The following FNDC3B variants were observed in gnomAD, a reference collection of about 807,000 sequenced individuals.
FNDC3B encodes the protein fibronectin type III domain containing 3B, also known as fibronectin type III domain-containing protein 3B.
Under a neutral mutation model 151.5 loss-of-function variants are expected in FNDC3B, and 12 were observed. That is an observed-to-expected ratio of 0.08 (90% CI 0.05 to 0.13). The LOEUF (loss-of-function observed/expected upper bound fraction) is 0.13. Ranked by LOEUF, FNDC3B falls within the 10% of genes least tolerant of loss-of-function variation. The pLI is 1.00. For missense variants in FNDC3B, 1,214 were observed against 1,505.3 expected (o/e 0.81, Z 3.20); for synonymous variants, 528 against 549.0 (o/e 0.96, Z 0.54).
At chr3:172,262,531 CTT>C (rs1163994826) in intron 6 of FNDC3B, among the ~76,000 whole-genome samples, 1 of 151,904 alleles carries the variant, frequency 6.6e-6, no homozygotes, top group Non-Finnish European at 1.5e-5. Context: ...TTGAATATGA[CTT>C]GAAGTTGTTA....
chr3:172,073,631 G>C (rs1717881549), intron 1 of FNDC3B, among the ~76,000 whole-genome samples: 1 of 152,188 alleles, frequency 6.6e-6, no homozygotes, highest in Non-Finnish European at 1.5e-5. Flanking sequence ...CCCGTTTGCT[G>C]TATCTGCCTC....
In FNDC3B at chr3:172,178,724, G is replaced by A. The variant is rs1475992063; in HGVS notation, c.187+45178G>A. 3.0e-4 allele frequency among the ~76,000 whole-genome samples: 45 copies of A among 152,158 alleles called. 1 individual carries two copies. Among genetic ancestry groups the A allele is most frequent in the Non-Finnish European group, 8.8e-5 (6 of 68,034 alleles). ...GAGACCAAATATATGTGGAGGGAGTGATGGTAAAGGTGATAAAAGTGCAAG... is the reference window on the plus strand; with the variant it reads ...GAGACCAAATATATGTGGAGGGAGTAATGGTAAAGGTGATAAAAGTGCAAG... On this transcript the variant is annotated intron_variant, in intron 3 of 25. Transcript: ENST00000415807.
intron 23 of FNDC3B, among the ~76,000 whole-genome samples, chr3:172,364,922 A>G (rs1157890769): frequency 6.6e-6 from 1 of 152,206 alleles, no homozygotes; most frequent in East Asian, 1.9e-4. Flanking sequence ...GTGCTCTCAG[A>G]AAGTTATTAA....
chr3:172,343,967 G>A (rs750443732), intron 18 of FNDC3B, 119 bp from the exon 19 acceptor site: 1 of 805,006 alleles, frequency 1.2e-6, no homozygotes, highest in Non-Finnish European at 2.0e-6. Context: ...TCTTTTGTAA[G>A]GGAGATACTG....
rs144510638 is a variant in FNDC3B, at chr3:172,353,943, G to A, written c.2795+860G>A. ...TGGAAATTGAATAGCTTTAGAAAAG[G>A]CAAATGTTTGATCTTGGGGAAAAAA... On this transcript the variant is annotated intron_variant, in intron 22 of 25. Transcript: ENST00000415807. 4.2e-3 allele frequency among the ~76,000 whole-genome samples: 525 copies of A among 123,876 alleles called. 8 individuals are homozygous for A. Among genetic ancestry groups the A allele is most frequent in the African/African-American group, 0.015 (503 of 32,506 alleles). The allele number at this position is 123,876 out of a possible 152,430, so 81.3% of individuals were successfully genotyped here.
chr3:172,346,513 GA>G (rs1733621973), intron 20 of FNDC3B, 73 bp downstream of exon 20: 1 of 903,618 alleles, frequency 1.1e-6, no homozygotes, highest in Non-Finnish European at 1.7e-6. Context: ...CAATTATAAG[GA>G]AGCTGCAAAT....
At chr3:172,093,322 T>G (rs576024603) in intron 1 of FNDC3B, among the ~76,000 whole-genome samples, 2 of 150,496 alleles carry the variant, frequency 1.3e-5, no homozygotes, top group Non-Finnish European at 3.0e-5. Flanking sequence ...GCAGTGGCAC[T>G]ATCTTGGCTC....
At chr3:172,356,826 C>T (rs2108332077) in intron 22 of FNDC3B, among the ~76,000 whole-genome samples, 1 of 152,172 alleles carries the variant, frequency 6.6e-6, no homozygotes, top group African/African-American at 2.4e-5. Flanking sequence ...GTTGTAAAAG[C>T]CAGCCCATCT....
intron 2 of FNDC3B, among the ~76,000 whole-genome samples, chr3:172,122,212 G>C (rs1160125981): frequency 6.6e-6 from 1 of 152,138 alleles, no homozygotes; most frequent in African/African-American, 2.4e-5. Context: ...AAACATGACA[G>C]TAGTAAGCAA....
intron 2 of FNDC3B, among the ~76,000 whole-genome samples, chr3:172,128,359 A>T (rs1324326929): frequency 6.6e-6 from 1 of 152,212 alleles, no homozygotes; most frequent in Non-Finnish European, 1.5e-5. Flanking sequence ...AAAGATAAAT[A>T]TTTGGCATTC....
At chr3:172,237,879 C>CT (rs1184831144) in intron 4 of FNDC3B, among the ~76,000 whole-genome samples, 1 of 152,132 alleles carries the variant, frequency 6.6e-6, no homozygotes, top group South Asian at 2.1e-4. Flanking sequence ...GCAGGATAAT[C>CT]TTTTTTTGTT....
chr3:172,052,246 G>GTTT (rs10665367), intron 1 of FNDC3B, among the ~76,000 whole-genome samples: 88 of 147,458 alleles, frequency 6.0e-4, no homozygotes, highest in Admixed American at 1.1e-3. Context: ...ATTTTTGTGG[G>GTTT]TTTTTTTTTT....
intron 3 of FNDC3B, among the ~76,000 whole-genome samples, chr3:172,156,919 A>G (rs1180528783): frequency 1.3e-5 from 2 of 152,286 alleles, no homozygotes; most frequent in Non-Finnish European, 2.9e-5. Context: ...TCCGGTCTGC[A>G]TGGTGACATG....
chr3:172,392,216 G>A (rs1322929205), intron 25 of FNDC3B, among the ~76,000 whole-genome samples: 1 of 152,226 alleles, frequency 6.6e-6, no homozygotes, highest in Non-Finnish European at 1.5e-5. Flanking sequence ...TTTGCTTACA[G>A]CTCTTCTTAG....
chr3:172,089,870 G>A (rs1425736476), intron 1 of FNDC3B, among the ~76,000 whole-genome samples: 1 of 152,066 alleles, frequency 6.6e-6, no homozygotes, highest in African/African-American at 2.4e-5. Context: ...AACAACTGAG[G>A]GAATGAATTC....
intron 22 of FNDC3B, among the ~76,000 whole-genome samples, chr3:172,360,400 T>A (rs1297506535): frequency 6.6e-6 from 1 of 152,194 alleles, no homozygotes; most frequent in Non-Finnish European, 1.5e-5. Flanking sequence ...AGTCTCTAGT[T>A]ATTTTCATTC....
At chr3:172,154,944 G>A (rs1407785794) in intron 3 of FNDC3B, among the ~76,000 whole-genome samples, 1 of 152,060 alleles carries the variant, frequency 6.6e-6, no homozygotes, top group Non-Finnish European at 1.5e-5. Context: ...TGTACTCTAT[G>A]TGTTTGTAGG....
At chr3:172,175,880 G>A (rs973615526) in intron 3 of FNDC3B, among the ~76,000 whole-genome samples, 4 of 152,108 alleles carry the variant, frequency 2.6e-5, no homozygotes, top group East Asian at 3.8e-4. Context: ...TGCACTATGT[G>A]GATGGAAATG....
chr3:172,382,946 T>TAC (rs1735535420), intron 25 of FNDC3B, among the ~76,000 whole-genome samples: 2 of 152,194 alleles, frequency 1.3e-5, no homozygotes, highest in Non-Finnish European at 2.9e-5. Flanking sequence ...GTCTTGGCTA[T>TAC]ACACACTCTT....
Sources: gnomAD v4.1 joint callset for allele counts (sites outside exome capture counted in the v4.1 genomes callset) on GRCh38, gnomAD v4.1.1 for gene constraint, MANE v1.5 for transcripts, NCBI Gene and HGNC (gene_info 2026-07-23, HGNC 2026-07-21) for gene names.